Variants in TMEM135 observed in about 807,000 individuals in gnomAD.
TMEM135 encodes the protein peroxisomal membrane protein 52.
Under a neutral mutation model 60.3 loss-of-function variants are expected in TMEM135, and 30 were observed. The ratio of observed to expected loss-of-function variants is 0.50; its 90% CI spans 0.37 to 0.68. The LOEUF is 0.68. Ranked by LOEUF, TMEM135 falls within the 30% of genes least tolerant of loss-of-function variation. TMEM135 has a pLI of 0.00. For synonymous variants in TMEM135, 190 were observed against 186.7 expected (o/e 1.02, Z -0.14); for missense variants, 468 against 548.8 (o/e 0.85, Z 1.47).
chr11:87,207,773 T>TC (rs915507123), intron 5 of TMEM135, among the ~76,000 whole-genome samples: 1 of 152,180 alleles, frequency 6.6e-6, no homozygotes, highest in African/African-American at 2.4e-5. Context: ...ACCTGTGGTG[T>TC]CCCCACTGCC....
At chr11:87,281,775 T>G (rs1405381539) in intron 6 of TMEM135, among the ~76,000 whole-genome samples, 4 of 152,228 alleles carry the variant, frequency 2.6e-5, no homozygotes, top group Non-Finnish European at 5.9e-5. Flanking sequence ...AGCAAAATCT[T>G]TAAGTCAGAA....
At position 87,295,070 on chromosome 11, in the gene TMEM135, T is replaced by C. The variant is rs114825803; in HGVS notation, c.510-712T>C. Among the ~76,000 whole-genome samples the C allele has an allele frequency of 9.3e-3, 1,411 of 152,300 alleles. 28 individuals are homozygous for C. The highest frequency in any genetic ancestry group is 0.032 in the African/African-American group (1,323 of 41,564). ...TTTGTGACCTAGGTTACTGCATTTTTTGAGCCTCTGTGTAGCAATGCAATA... is the reference window on the plus strand; with the variant it reads ...TTTGTGACCTAGGTTACTGCATTTTCTGAGCCTCTGTGTAGCAATGCAATA... On this transcript the variant is annotated intron_variant, in intron 6 of 14. Coordinates refer to ENST00000305494, the MANE Select transcript of TMEM135 (RefSeq NM_022918.4).
At chr11:87,240,425 C>T (rs1320707172) in intron 6 of TMEM135, among the ~76,000 whole-genome samples, 1 of 151,716 alleles carries the variant, frequency 6.6e-6, no homozygotes, top group Non-Finnish European at 1.5e-5. Context: ...TCTCATGCAC[C>T]CCTTGAAATA....
chr11:87,207,634 C>T (rs370502702), intron 5 of TMEM135, among the ~76,000 whole-genome samples: 39 of 152,266 alleles, frequency 2.6e-4, no homozygotes, highest in African/African-American at 8.9e-4. Context: ...TCAAAACAGC[C>T]GTACAAGGTA....
At chr11:87,091,175 T>A (rs1591011505) in intron 3 of TMEM135, among the ~76,000 whole-genome samples, 187 bp from the exon 4 acceptor site, 1 of 152,204 alleles carries the variant, frequency 6.6e-6, no homozygotes, top group East Asian at 1.9e-4. Context: ...TTTATGGAAT[T>A]TATTTAGATG....
intron 5 of TMEM135, among the ~76,000 whole-genome samples, chr11:87,161,698 A>C (rs1007575618): frequency 1.3e-5 from 2 of 152,190 alleles, no homozygotes; most frequent in African/African-American, 4.8e-5. Context: ...TGACTTCTGT[A>C]GCCAGTGAGT....
intron 12 of TMEM135, among the ~76,000 whole-genome samples, chr11:87,314,812 C>T (rs111756216): frequency 7.9e-5 from 12 of 151,886 alleles, no homozygotes; most frequent in African/African-American, 2.9e-4. Flanking sequence ...CTCCTTTCAT[C>T]TATACTCCTC....
At chr11:87,287,844 C>T (rs1461867982) in intron 6 of TMEM135, among the ~76,000 whole-genome samples, 1 of 152,016 alleles carries the variant, frequency 6.6e-6, no homozygotes, top group Non-Finnish European at 1.5e-5. Context: ...CTTTTACAAC[C>T]CTGTTAATTA....
chr11:87,317,882 T>C (rs781726643), intron 12 of TMEM135, among the ~76,000 whole-genome samples: 3 of 152,058 alleles, frequency 2.0e-5, no homozygotes, highest in Non-Finnish European at 4.4e-5. Context: ...AGAGTAAATA[T>C]CATTTAAAAA....
At chr11:87,084,676 A>C (rs2445581) in intron 3 of TMEM135, among the ~76,000 whole-genome samples, 102,157 of 152,060 alleles carry the variant, frequency 0.67, 35,525 homozygotes, top group East Asian at 0.88. Context: ...GAGATTGAAT[A>C]CCTTCTCCAA....
At chr11:87,308,298 T>C (rs554544367) in intron 9 of TMEM135, among the ~76,000 whole-genome samples, 1 of 152,316 alleles carries the variant, frequency 6.6e-6, no homozygotes, top group East Asian at 1.9e-4. Flanking sequence ...GATTGTAATG[T>C]AATTATAATC....
intron 9 of TMEM135, among the ~76,000 whole-genome samples, chr11:87,306,602 C>T (rs1942547727): frequency 6.6e-6 from 1 of 152,180 alleles, no homozygotes; most frequent in South Asian, 2.1e-4. Flanking sequence ...TCCTCTTCCC[C>T]TGCTGTTGTG....
chr11:87,080,261 T>A (rs1856962522), intron 3 of TMEM135, among the ~76,000 whole-genome samples: 2 of 150,490 alleles, frequency 1.3e-5, no homozygotes, highest in African/African-American at 4.9e-5. Context: ...ACTATTGACA[T>A]GTTTTGGGCC....
chr11:87,072,277 A>G (rs11234949), intron 3 of TMEM135, among the ~76,000 whole-genome samples: 21,250 of 152,170 alleles, frequency 0.14, 1,581 homozygotes, highest in Non-Finnish European at 0.16. Flanking sequence ...AAGAAAATTA[A>G]CAATAGTTTT....
intron 5 of TMEM135, 141 bp downstream of exon 5, chr11:87,157,547 G>A: frequency 1.5e-6 from 1 of 683,920 alleles, no homozygotes; most frequent in Non-Finnish European, 2.5e-6. Context: ...TGTACCTGAT[G>A]AACAAATCCA....
At chr11:87,264,553 C>A (rs1015186128) in intron 6 of TMEM135, among the ~76,000 whole-genome samples, 10 of 151,812 alleles carry the variant, frequency 6.6e-5, no homozygotes, top group Admixed American at 2.0e-4. Context: ...CGCTCCTGAT[C>A]TTTTATCATG....
intron 5 of TMEM135, among the ~76,000 whole-genome samples, chr11:87,180,667 T>A (rs927437891): frequency 1.3e-5 from 2 of 152,182 alleles, no homozygotes; most frequent in Non-Finnish European, 2.9e-5. Flanking sequence ...GTGACACATA[T>A]GAGGATAGAG....
chr11:87,074,997 T>C (rs748776036), intron 3 of TMEM135, among the ~76,000 whole-genome samples: 1 of 152,108 alleles, frequency 6.6e-6, no homozygotes, highest in Non-Finnish European at 1.5e-5. Context: ...TAGAATGCAG[T>C]GATGTGATCA....
At chr11:87,045,342 A>G (rs1949786632) in intron 1 of TMEM135, among the ~76,000 whole-genome samples, 1 of 151,992 alleles carries the variant, frequency 6.6e-6, no homozygotes, top group Admixed American at 6.5e-5. Context: ...AGTTGTTTTT[A>G]TATGTGAGTT....
Sources: gnomAD v4.1 joint callset for allele counts (sites outside exome capture counted in the v4.1 genomes callset) on GRCh38, gnomAD v4.1.1 for gene constraint, MANE v1.5 for transcripts, NCBI Gene and HGNC (gene_info 2026-07-23, HGNC 2026-07-21) for gene names.